APLF: variants seen among roughly 807,000 people sequenced by gnomAD.
APLF encodes aprataxin and PNKP like factor.
In APLF, 61 loss-of-function variants were observed where a neutral mutation model predicts 55.6. That is an observed-to-expected ratio of 1.10 (90% CI 0.89 to 1.36). The LOEUF is 1.36. APLF is among the 40% of genes most tolerant of loss of function. The pLI is 0.00. For synonymous variants in APLF, 207 were observed against 214.8 expected (o/e 0.96, Z 0.32); for missense variants, 611 against 602.5 (o/e 1.01, Z -0.15).
intron 9 of APLF, among the ~76,000 whole-genome samples, chr2:68,573,061 A>G (rs1384880822): frequency 6.6e-6 from 1 of 152,218 alleles, no homozygotes; most frequent in Non-Finnish European, 1.5e-5. Context: ...CATATATAAA[A>G]AAATCAGAAA....
intron 9 of APLF, among the ~76,000 whole-genome samples, chr2:68,572,752 T>C (rs1425065013): frequency 6.6e-6 from 1 of 152,136 alleles, no homozygotes; most frequent in Non-Finnish European, 1.5e-5. Context: ...GGTGGGAGTA[T>C]CACTTGAGCC....
intron 7 of APLF, among the ~76,000 whole-genome samples, chr2:68,540,772 G>A (rs978954800): frequency 5.4e-5 from 8 of 147,962 alleles, no homozygotes; most frequent in African/African-American, 1.8e-4. Flanking sequence ...ATGTGCATGC[G>A]TGTGTGTGTG....
At position 68,513,191 on chromosome 2, in the gene APLF, A is replaced by C. The variant is rs760486520; in HGVS notation, c.453A>C (p.Glu151Asp). The change falls in exon 4 of 10, where the codon GAA becomes GAC. Residue 151 changes from glutamate to aspartate, a missense_variant. Physicochemically the swap from Glu to Asp is conservative, Grantham distance 45. Coordinates refer to ENST00000303795, the MANE Select transcript of APLF (RefSeq NM_173545.3). The part of the protein sequence containing the change: ...TGASQLEGST[E>D]IAKTQMTPTN... ...CCTCACAACTGGAAGGAAGCACAGA[A>C]ATAGCCAAGACCCAGATGACTCCCA... is the stretch of plus-strand genomic sequence containing the variant. The C allele has an allele frequency of 5.0e-6, 8 of 1,610,746 alleles. No homozygotes were observed. Among genetic ancestry groups the C allele is most frequent in the Non-Finnish European group, 6.8e-6 (8 of 1,178,276 alleles).
At chr2:68,489,082 T>C (rs527480442) in intron 1 of APLF, among the ~76,000 whole-genome samples, 71 of 151,710 alleles carry the variant, frequency 4.7e-4, no homozygotes, top group Non-Finnish European at 7.8e-4. Flanking sequence ...TGGATAGCCA[T>C]TGTGGCTAAC....
chr2:68,528,575 T>C (rs560418156), intron 6 of APLF: 2 of 1,533,954 alleles, frequency 1.3e-6, no homozygotes, highest in East Asian at 4.9e-5. Flanking sequence ...CTGCATGTCC[T>C]CCCCCACCGT....
intron 7 of APLF, among the ~76,000 whole-genome samples, chr2:68,543,126 T>C (rs1670604908): frequency 6.6e-6 from 1 of 152,144 alleles, no homozygotes; most frequent in African/African-American, 2.4e-5. Context: ...GAATGGCAGT[T>C]ACCAGTGCCT....
At chr2:68,525,857 C>T (rs1670028805) in intron 5 of APLF, among the ~76,000 whole-genome samples, 1 of 140,754 alleles carries the variant, frequency 7.1e-6, no homozygotes, top group South Asian at 2.3e-4. Context: ...TCAAGTGATT[C>T]TTATGCCTCT....
intron 1 of APLF, among the ~76,000 whole-genome samples, chr2:68,487,641 G>A (rs1414945657): frequency 6.6e-6 from 1 of 152,108 alleles, no homozygotes; most frequent in African/African-American, 2.4e-5. Context: ...AAGGAGCAGT[G>A]ATAGGCTGTT....
chr2:68,507,658 T>G (rs1284465412), intron 3 of APLF, among the ~76,000 whole-genome samples: 1 of 151,950 alleles, frequency 6.6e-6, no homozygotes, highest in Non-Finnish European at 1.5e-5. Context: ...ATATTAATTC[T>G]TCCTCCCCAA....
chr2:68,510,676 A>G lies in APLF; in HGVS notation c.342-2404A>G, dbSNP rs1677021851. On this transcript the variant is annotated intron_variant, in intron 3 of 9. Coordinates refer to ENST00000303795, the MANE Select transcript of APLF (RefSeq NM_173545.3). ...GCTCAGCATTTCCACTCCTATGTAT[A>G]TACCCAAAAGAATTGAAAACCTATG... is the stretch of plus-strand genomic sequence containing the variant. Among the ~76,000 whole-genome samples the G allele has an allele frequency of 1.3e-5, 2 of 151,850 alleles. 1 individual carries two copies. Among genetic ancestry groups the G allele is most frequent in the South Asian group, 4.1e-4 (2 of 4,826 alleles).
chr2:68,530,886 A>AT (rs1178630131), intron 6 of APLF, among the ~76,000 whole-genome samples: 3 of 151,160 alleles, frequency 2.0e-5, no homozygotes, highest in South Asian at 2.1e-4. Context: ...TTAAAAAAAA[A>AT]TTTTCAGACT....
At chr2:68,520,672 C>G (rs1669871603) in intron 5 of APLF, among the ~76,000 whole-genome samples, 1 of 151,688 alleles carries the variant, frequency 6.6e-6, no homozygotes, top group Non-Finnish European at 1.5e-5. Context: ...GGTCTATGTG[C>G]CTGTTTTTAT....
intron 5 of APLF, among the ~76,000 whole-genome samples, chr2:68,517,503 T>C (rs1239767486): frequency 7.1e-6 from 1 of 141,076 alleles, no homozygotes; most frequent in African/African-American, 2.6e-5. Flanking sequence ...CAATATGTTA[T>C]CACTATATAT....
rs151100300 is a variant in APLF at position 68,513,156 on chromosome 2, A to T, written c.418A>T (p.Thr140Ser). 3.4e-5 allele frequency: 55 copies of T among 1,611,378 alleles called. No homozygotes were observed. In the African/African-American group the frequency reaches 7.0e-4, roughly 20 times the overall value. ...KSPVINLPHE[T>S]TGASQLEGST... The stretch of plus-strand genomic sequence containing the variant: ...CCCCGTGATTAATTTACCTCATGAG[A>T]CTACTGGTGCCTCACAACTGGAAGG... The change falls in exon 4 of 10, where the codon ACT (threonine) becomes TCT (serine). Residue 140 changes from threonine (T) to serine (S), a missense_variant. Coordinates refer to ENST00000303795, the MANE Select transcript of APLF (RefSeq NM_173545.3).
Position 68,502,850 on chromosome 2 carries a change from CA to C in APLF, c.289del (p.Ile97PhefsTer17). On this transcript the variant is annotated frameshift_variant, in exon 3 of 10. Transcript: ENST00000303795. LOFTEE classifies it high-confidence loss of function. ...GCTTTTCTTTGTTAGTTGACAAATA[CA>C]TTTTCCGCATTCTCTCTATACCCTC... Reference protein sequence around the residue: ...DSFSLLVDKYIFRILSIPSEV... With the variant: ...DSFSLLVDKYXFRILSIPSEV... 6.2e-7 allele frequency: 1 copy of C among 1,606,616 alleles called. No individual in the cohort carries two copies. The highest frequency in any genetic ancestry group is 8.5e-7 in the Non-Finnish European group (1 of 1,177,504).
chr2:68,487,424 G>A (rs1024497050), intron 1 of APLF, among the ~76,000 whole-genome samples: 1 of 152,064 alleles, frequency 6.6e-6, no homozygotes. Flanking sequence ...TATTGGTTGT[G>A]TAACTGAGTA....
At chr2:68,504,985 T>C (rs1676832384) in intron 3 of APLF, among the ~76,000 whole-genome samples, 2 of 152,180 alleles carry the variant, frequency 1.3e-5, no homozygotes, top group South Asian at 4.1e-4. Context: ...TTGTTAAGGG[T>C]GCAGATTATG....
intron 1 of APLF, among the ~76,000 whole-genome samples, chr2:68,472,392 C>T (rs552329387): frequency 7.4e-4 from 112 of 152,218 alleles, no homozygotes; most frequent in African/African-American, 2.6e-3. Flanking sequence ...CCTTGTTATG[C>T]CTGAGTCAGA....
At chr2:68,496,707 C>A (rs905734572) in intron 2 of APLF, among the ~76,000 whole-genome samples, 2 of 152,290 alleles carry the variant, frequency 1.3e-5, no homozygotes, top group African/African-American at 4.8e-5. Flanking sequence ...TTCCATAGAT[C>A]CCTAGGGTGT....
Sources: gnomAD v4.1 joint callset for allele counts (sites outside exome capture counted in the v4.1 genomes callset) on GRCh38, gnomAD v4.1.1 for gene constraint, MANE v1.5 for transcripts, NCBI Gene and HGNC (gene_info 2026-07-23, HGNC 2026-07-21) for gene names.